Variants in LDB2 observed in about 807,000 individuals in gnomAD.
LDB2 encodes the protein LIM domain-binding protein 2.
A neutral mutation model predicts 44.3 loss-of-function variants in LDB2; 12 were observed. The observed-to-expected ratio is 0.27, with a 90% CI of 0.17 to 0.44. The LOEUF is 0.44. Ranked by LOEUF, LDB2 falls within the 20% of genes least tolerant of loss-of-function variation. The probability of loss-of-function intolerance (pLI) is 1.00; values close to 1 mark genes in which losing one functional copy is unlikely to be tolerated. For synonymous variants in LDB2, 164 were observed against 174.8 expected, an observed-to-expected ratio of 0.94 and a Z score of 0.49; for missense variants, 344 against 473.5, an observed-to-expected ratio of 0.73 and a Z score of 2.54.
At chr4:16,566,004 A>G (rs552296805) in intron 5 of LDB2, among the ~76,000 whole-genome samples, 55 of 152,104 alleles carry the variant, frequency 3.6e-4, no homozygotes, top group African/African-American at 1.3e-3. Context: ...GAAACTCTCA[A>G]AATGTTACCA....
intron 1 of LDB2, among the ~76,000 whole-genome samples, chr4:16,837,722 G>A (rs1785128734): frequency 6.6e-6 from 1 of 152,318 alleles, no homozygotes; most frequent in Admixed American, 6.5e-5. Context: ...GATCCCAGGT[G>A]AGACTGAGAC....
rs1312896680 is a variant in LDB2 at position 16,739,658 on chromosome 4, A to ATG, written c.235+19499_235+19500insCA. ...TATGTATATATACATATGTGTGTATATATGTATATATACATATGTGTGTAT... is the reference window on the plus strand; with the variant it reads ...TATGTATATATACATATGTGTGTATATGTATGTATATATACATATGTGTGTAT... On this transcript the variant is annotated intron_variant, in intron 2 of 7. Transcript: ENST00000304523. 2.3e-5 allele frequency among the ~76,000 whole-genome samples: 2 copies of ATG among 86,814 alleles called. 1 individual carries two copies. The highest frequency in any genetic ancestry group is 8.9e-5 in the African/African-American group (2 of 22,362). The allele number at this position is 86,814 out of a possible 152,430, so 57.0% of individuals were successfully genotyped here.
At chr4:16,846,678 GA>G (rs1787078483) in intron 1 of LDB2, among the ~76,000 whole-genome samples, 1 of 152,264 alleles carries the variant, frequency 6.6e-6, no homozygotes, top group South Asian at 2.1e-4. Flanking sequence ...GCAGGTAGGG[GA>G]GATGCCACAT....
At chr4:16,545,067 C>T (rs1735244070) in intron 5 of LDB2, among the ~76,000 whole-genome samples, 1 of 152,074 alleles carries the variant, frequency 6.6e-6, no homozygotes, top group Admixed American at 6.5e-5. Context: ...CATGGAGAAA[C>T]ACCAGCTGTA....
At chr4:16,634,239 C>T (rs1732890815) in intron 2 of LDB2, among the ~76,000 whole-genome samples, 1 of 125,702 alleles carries the variant, frequency 8.0e-6, no homozygotes, top group South Asian at 2.5e-4. Context: ...AAAGCAATGG[C>T]AACAAAAGCC....
intron 1 of LDB2, among the ~76,000 whole-genome samples, chr4:16,841,295 T>A (rs775785289): frequency 6.6e-6 from 1 of 152,204 alleles, no homozygotes; most frequent in Non-Finnish European, 1.5e-5. Flanking sequence ...TTTTAGCACA[T>A]AGAAAATGTG....
At chr4:16,867,414 C>G (rs1715077297) in intron 1 of LDB2, among the ~76,000 whole-genome samples, 1 of 152,104 alleles carries the variant, frequency 6.6e-6, no homozygotes, top group Non-Finnish European at 1.5e-5. Context: ...ACTAGAAATA[C>G]AAAGGAATCT....
At chr4:16,787,157 T>C (rs287964) in intron 1 of LDB2, among the ~76,000 whole-genome samples, 122,239 of 152,100 alleles carry the variant, frequency 0.8, 50,626 homozygotes, top group Middle Eastern at 0.93. Context: ...GGCATTTATT[T>C]AGGTGTTCCC....
At chr4:16,713,485 T>C (rs1246183803) in intron 2 of LDB2, among the ~76,000 whole-genome samples, 1 of 152,106 alleles carries the variant, frequency 6.6e-6, no homozygotes, top group Non-Finnish European at 1.5e-5. Flanking sequence ...GCCAAAAGGA[T>C]TCTAGGCTTA....
Position 16,888,836 on chromosome 4 carries a change from C to T in LDB2, c.132+9518G>A, listed in dbSNP as rs929643523. 110 of 503,378 alleles carry T rather than the reference C, an allele frequency of 2.2e-4. No individual in the cohort carries two copies. In the African/African-American group the frequency reaches 2.2e-3, roughly 10 times the overall value. The allele number at this position is 503,378 out of a possible 1,614,324, so 31.2% of individuals were successfully genotyped here. Reference sequence around the variant, plus strand: ...CTTTCAGGCTAAGGAAATTGAGGCTCAGAAAATTTAAGAAACTTCCTTAAT... The same window carrying T: ...CTTTCAGGCTAAGGAAATTGAGGCTTAGAAAATTTAAGAAACTTCCTTAAT... On this transcript the variant is annotated intron_variant, in intron 1 of 7. Coordinates refer to ENST00000304523, the MANE Select transcript of LDB2 (RefSeq NM_001290.5).
intron 1 of LDB2, among the ~76,000 whole-genome samples, chr4:16,834,560 G>A (rs1374811254): frequency 1.3e-5 from 2 of 152,198 alleles, no homozygotes; most frequent in Non-Finnish European, 2.9e-5. Flanking sequence ...CAGGCACGGT[G>A]GCTCAAGCCT....
intron 2 of LDB2, among the ~76,000 whole-genome samples, chr4:16,605,317 C>T (rs1506464): frequency 0.38 from 58,174 of 151,940 alleles, 11,581 homozygotes; most frequent in East Asian, 0.62. Flanking sequence ...AGAAATTCCA[C>T]GATCAGAGAA....
rs193261422 is a variant in LDB2 at position 16,837,071 on chromosome 4, G to C, written c.132+61283C>G. On this transcript the variant is annotated intron_variant, in intron 1 of 7. Coordinates refer to ENST00000304523, the MANE Select transcript of LDB2 (RefSeq NM_001290.5). Reference sequence around the variant, plus strand: ...CTGTGTAGACCCTGAATGCAAAGTAGAGAGAAAAACAGTTCATGGAATTAT... The same window carrying C: ...CTGTGTAGACCCTGAATGCAAAGTACAGAGAAAAACAGTTCATGGAATTAT... 2.0e-5 allele frequency among the ~76,000 whole-genome samples: 3 copies of C among 152,280 alleles called. No homozygotes were observed. In the East Asian group the frequency reaches 5.8e-4, roughly 29 times the overall value.
At chr4:16,742,920 G>T (rs917559150) in intron 2 of LDB2, among the ~76,000 whole-genome samples, 2 of 152,036 alleles carry the variant, frequency 1.3e-5, no homozygotes, top group African/African-American at 4.8e-5. Flanking sequence ...CATTGCCTCT[G>T]CCATGCCTCC....
chr4:16,669,865 T>C (rs1379150556), intron 2 of LDB2, among the ~76,000 whole-genome samples: 1 of 152,256 alleles, frequency 6.6e-6, no homozygotes, highest in Admixed American at 6.5e-5. Flanking sequence ...TGCCTGTGTC[T>C]TGATCTAAAT....
At chr4:16,640,403 T>A (rs1734816721) in intron 2 of LDB2, among the ~76,000 whole-genome samples, 1 of 152,186 alleles carries the variant, frequency 6.6e-6, no homozygotes, top group African/African-American at 2.4e-5. Flanking sequence ...CCTTCTAAGT[T>A]GCTGGGCTAT....
intron 2 of LDB2, among the ~76,000 whole-genome samples, chr4:16,700,358 A>T (rs542571394): frequency 6.6e-6 from 1 of 152,232 alleles, no homozygotes; most frequent in East Asian, 1.9e-4. Flanking sequence ...AAAAATATAA[A>T]TGTTTTAAAA....
At chr4:16,858,675 T>TG (rs769079381) in intron 1 of LDB2, among the ~76,000 whole-genome samples, 76 of 152,198 alleles carry the variant, frequency 5.0e-4, no homozygotes, top group Non-Finnish European at 9.4e-4. Context: ...AGGAAAAAGG[T>TG]GGGGGTATTG....
At chr4:16,588,633 G>A (rs1717840072) in intron 4 of LDB2, 77 bp downstream of exon 4, 1 of 1,440,048 alleles carries the variant, frequency 6.9e-7, no homozygotes, top group East Asian at 2.3e-5. Context: ...ACAGAGAGAG[G>A]ACTGGGTTTT....
Sources: allele counts gnomAD v4.1 joint callset (sites outside exome capture counted in the v4.1 genomes callset), GRCh38; gene constraint gnomAD v4.1.1; transcripts MANE v1.5; gene names NCBI Gene and HGNC (gene_info 2026-07-23, HGNC 2026-07-21).